TMTC2: variants seen among roughly 807,000 people sequenced by gnomAD.
The protein encoded by TMTC2 is transmembrane O-mannosyltransferase targeting cadherins 2, also known as protein O-mannosyl-transferase TMTC2.
In TMTC2, 43 loss-of-function variants were observed where a neutral mutation model predicts 82.4. That is an observed-to-expected ratio of 0.52 (90% CI 0.41 to 0.67). TMTC2 has a LOEUF of 0.67. TMTC2 is among the 30% of genes least tolerant of loss of function. The pLI is 0.00. For missense variants in TMTC2, 919 were observed against 1,012.4 expected (o/e 0.91, Z 1.25); for synonymous variants, 408 against 381.9 (o/e 1.07, Z -0.80).
intron 1 of TMTC2, among the ~76,000 whole-genome samples, chr12:82,754,287 AAAAC>A (rs1239031664): frequency 6.6e-6 from 1 of 152,172 alleles, no homozygotes. Context: ...TATTTTTTAA[AAAAC>A]AAAACAAAAC....
chr12:82,695,729 G>A (rs964478074), intron 1 of TMTC2, among the ~76,000 whole-genome samples: 2 of 152,088 alleles, frequency 1.3e-5, no homozygotes, highest in Non-Finnish European at 2.9e-5. Flanking sequence ...TGTCCTCTGC[G>A]GGGGGTGCTT....
chr12:82,789,581 C>T (rs1878355853), intron 1 of TMTC2, among the ~76,000 whole-genome samples: 1 of 152,084 alleles, frequency 6.6e-6, no homozygotes, highest in Admixed American at 6.6e-5. Flanking sequence ...CTAAGCCAGG[C>T]TCTCTACTGG....
In TMTC2 at chr12:82,896,329, CTACGGA is replaced by C. The variant is rs1370199800; in HGVS notation, c.1167_1172del (p.Thr390_Glu391del). Reference sequence around the variant, plus strand: ...GTATCACAGAGAACCCAGCTTCCTTCTACGGAGAACATTGTTGTTCTGTCTTTATCT... The same window carrying C: ...GTATCACAGAGAACCCAGCTTCCTTCGAACATTGTTGTTCTGTCTTTATCT... On this transcript the variant is annotated inframe_deletion, in exon 3 of 12. Transcript: ENST00000321196. 1.8e-5 allele frequency: 29 copies of C among 1,614,036 alleles called. No homozygotes were observed. The highest frequency in any genetic ancestry group is 2.5e-5 in the Non-Finnish European group (29 of 1,180,042).
chr12:82,856,952 T>C, intron 1 of TMTC2, 58 bp from the exon 2 acceptor site: 10 of 1,488,440 alleles, frequency 6.7e-6, no homozygotes, highest in Admixed American at 2.0e-5. Flanking sequence ...ATCAATGTCA[T>C]ATTTTTTCTT....
chr12:82,719,283 G>A (rs1404512920), intron 1 of TMTC2, among the ~76,000 whole-genome samples: 1 of 151,102 alleles, frequency 6.6e-6, no homozygotes, highest in Non-Finnish European at 1.5e-5. Flanking sequence ...CAGTAGAGAC[G>A]GGGTTTCACC....
intron 3 of TMTC2, among the ~76,000 whole-genome samples, chr12:82,900,947 A>G (rs1361851310): frequency 2.4e-5 from 2 of 81,674 alleles, no homozygotes; most frequent in Admixed American, 1.8e-4. Flanking sequence ...GAATATATAT[A>G]TATCTGGAAT....
At position 82,895,888 on chromosome 12, in the gene TMTC2, G is replaced by C; in HGVS notation, c.725G>C (p.Arg242Pro). Residue 242 changes from arginine (R) to proline (P), a missense_variant, in exon 3 of 12, where the codon CGG becomes CCG. Transcript: ENST00000321196. The part of the protein sequence containing the change: ...IFWGSSLLGA[R>P]LYWMGNKPPS... ...TGGGGTTCCTCCCTTTTGGGTGCCC[G>C]GTTATACTGGATGGGAAACAAACCA... The C allele has an allele frequency of 6.2e-7, 1 of 1,613,800 alleles. No homozygotes were observed.
At chr12:82,817,403 T>G (rs1868806040) in intron 1 of TMTC2, among the ~76,000 whole-genome samples, 1 of 152,174 alleles carries the variant, frequency 6.6e-6, no homozygotes, top group Non-Finnish European at 1.5e-5. Flanking sequence ...ATAGTATTCT[T>G]CAGGAGTTCA....
At chr12:82,749,742 T>TC (rs201342139) in intron 1 of TMTC2, among the ~76,000 whole-genome samples, 13 of 145,960 alleles carry the variant, frequency 8.9e-5, no homozygotes, top group African/African-American at 1.5e-4. Flanking sequence ...TTTCTTTCTT[T>TC]TTTTTTTTTT....
chr12:82,966,593 A>G (rs1878220173), intron 6 of TMTC2, among the ~76,000 whole-genome samples: 3 of 152,162 alleles, frequency 2.0e-5, no homozygotes, highest in Non-Finnish European at 2.9e-5. Flanking sequence ...ACTAATGGGT[A>G]ACTTTCAAAT....
chr12:82,920,752 A>G (rs1180504276), intron 3 of TMTC2, among the ~76,000 whole-genome samples: 3 of 152,284 alleles, frequency 2.0e-5, no homozygotes, highest in Non-Finnish European at 4.4e-5. Context: ...CTCTTAATAT[A>G]CTAATTATAT....
At chr12:82,947,679 A>G (rs1411725847) in intron 4 of TMTC2, among the ~76,000 whole-genome samples, 2 of 152,202 alleles carry the variant, frequency 1.3e-5, no homozygotes, top group African/African-American at 4.8e-5. Flanking sequence ...TTGGAAAAAT[A>G]AGCAAGTTGG....
intron 11 of TMTC2, among the ~76,000 whole-genome samples, chr12:83,099,161 T>C (rs1009088718): frequency 1.3e-5 from 2 of 152,220 alleles, no homozygotes; most frequent in African/African-American, 4.8e-5. Context: ...GCTTTTCAAA[T>C]GAATGAAATA....
chr12:82,870,656 G>A (rs1389694975), intron 2 of TMTC2, among the ~76,000 whole-genome samples: 3 of 152,106 alleles, frequency 2.0e-5, no homozygotes, highest in African/African-American at 4.8e-5. Flanking sequence ...CCAGAAATGC[G>A]GTGGGATTTT....
intron 11 of TMTC2, among the ~76,000 whole-genome samples, chr12:83,063,107 G>A (rs1189470400): frequency 6.6e-6 from 1 of 151,762 alleles, no homozygotes; most frequent in Non-Finnish European, 1.5e-5. Context: ...TCATGCAGAA[G>A]TATGATTAGA....
chr12:82,874,975 T>C (rs1002493003), intron 2 of TMTC2, among the ~76,000 whole-genome samples: 3 of 152,158 alleles, frequency 2.0e-5, no homozygotes, highest in African/African-American at 7.2e-5. Context: ...CCATGCTTGA[T>C]CCTCAATCTC....
intron 11 of TMTC2, among the ~76,000 whole-genome samples, chr12:83,095,516 A>G (rs1884001193): frequency 6.6e-6 from 1 of 152,182 alleles, no homozygotes; most frequent in Non-Finnish European, 1.5e-5. Flanking sequence ...CTGGGATTAC[A>G]GGCATGAGCC....
At chr12:82,760,096 C>T (rs1455715416) in intron 1 of TMTC2, 2 of 152,050 alleles carry the variant, frequency 1.3e-5, no homozygotes, top group African/African-American at 2.4e-5. Context: ...TCACCTCGTC[C>T]AAAGTTGGGT....
chr12:82,842,045 A>G (rs1478699062), intron 1 of TMTC2, among the ~76,000 whole-genome samples: 1 of 152,238 alleles, frequency 6.6e-6, no homozygotes, highest in Non-Finnish European at 1.5e-5. Flanking sequence ...TCGTCTTGCA[A>G]ACACTTCTCA....
Sources: allele counts gnomAD v4.1 joint callset (sites outside exome capture counted in the v4.1 genomes callset), GRCh38; gene constraint gnomAD v4.1.1; transcripts MANE v1.5; gene names NCBI Gene and HGNC (gene_info 2026-07-23, HGNC 2026-07-21).